ADAMTSL1: variants seen among roughly 807,000 people sequenced by gnomAD.
ADAMTSL1 encodes the protein ADAMTS-like protein 1.
ADAMTSL1 carries 126 observed loss-of-function variants against 201.8 expected under a neutral mutation model. The ratio of observed to expected loss-of-function variants is 0.62; its 90% CI spans 0.54 to 0.72. The LOEUF (loss-of-function observed/expected upper bound fraction) is 0.72. ADAMTSL1 is among the 30% of genes least tolerant of loss of function. The probability of loss-of-function intolerance (pLI) is 0.00; values close to 1 mark genes in which losing one functional copy is unlikely to be tolerated. For synonymous variants in ADAMTSL1, 1,121 were observed against 903.4 expected (o/e 1.24, Z -4.32); for missense variants, 2,679 against 2,277.8 (o/e 1.18, Z -3.59).
intron 1 of ADAMTSL1, among the ~76,000 whole-genome samples, chr9:18,490,423 A>T (rs1255735862): frequency 6.6e-6 from 1 of 152,130 alleles, no homozygotes; most frequent in African/African-American, 2.4e-5. Context: ...TATGTTCATC[A>T]CTATGCTAGG....
chr9:18,183,668 T>C (rs1449544342), intron 2 of ADAMTSL1, among the ~76,000 whole-genome samples: 2 of 152,142 alleles, frequency 1.3e-5, no homozygotes, highest in Admixed American at 6.6e-5. Context: ...AACAGTGAGA[T>C]ACCACTACAC....
At chr9:18,087,773 A>G (rs1823830110) in intron 1 of ADAMTSL1, among the ~76,000 whole-genome samples, 1 of 152,200 alleles carries the variant, frequency 6.6e-6, no homozygotes, top group Admixed American at 6.5e-5. Flanking sequence ...AGAAGAAACT[A>G]AGCAATTTGT....
chr9:18,588,252 CTCTT>C (rs1184220458), intron 4 of ADAMTSL1, among the ~76,000 whole-genome samples: 1 of 152,146 alleles, frequency 6.6e-6, no homozygotes, highest in East Asian at 1.9e-4. Context: ...TGCCTGTCAG[CTCTT>C]TGTGTGTCTT....
intron 13 of ADAMTSL1, among the ~76,000 whole-genome samples, chr9:18,698,027 T>C (rs986445766): frequency 2.6e-5 from 4 of 152,250 alleles, no homozygotes; most frequent in African/African-American, 9.6e-5. Flanking sequence ...TAGTTTTATC[T>C]GATAATGTTC....
intron 23 of ADAMTSL1, among the ~76,000 whole-genome samples, chr9:18,852,074 C>T (rs1176978966): frequency 1.3e-5 from 2 of 152,142 alleles, no homozygotes; most frequent in Non-Finnish European, 2.9e-5. Flanking sequence ...CTCGTGTCTG[C>T]CTAACTACCT....
At chr9:18,041,883 C>T (rs183917693) in intron 1 of ADAMTSL1, among the ~76,000 whole-genome samples, 2 of 152,066 alleles carry the variant, frequency 1.3e-5, no homozygotes, top group African/African-American at 4.8e-5. Flanking sequence ...ATTCATACAT[C>T]TGATTTTAGA....
At chr9:18,436,451 C>A (rs1280209423) in intron 2 of ADAMTSL1, among the ~76,000 whole-genome samples, 2 of 152,192 alleles carry the variant, frequency 1.3e-5, no homozygotes, top group Non-Finnish European at 2.9e-5. Context: ...CAGTTCTTTT[C>A]TGATCAGGGG....
At chr9:18,476,760 C>G (rs763243043) in intron 1 of ADAMTSL1, among the ~76,000 whole-genome samples, 19 of 152,034 alleles carry the variant, frequency 1.2e-4, no homozygotes, top group Non-Finnish European at 2.6e-4. Context: ...GTCTCTGTAA[C>G]TTAATTGGAA....
chr9:18,218,227 T>C (rs920019217), intron 2 of ADAMTSL1, among the ~76,000 whole-genome samples: 1 of 152,132 alleles, frequency 6.6e-6, no homozygotes, highest in Non-Finnish European at 1.5e-5. Context: ...TTCTAACATA[T>C]CCAACTGTAT....
intron 2 of ADAMTSL1, among the ~76,000 whole-genome samples, chr9:18,167,851 T>G (rs1749415241): frequency 6.6e-6 from 1 of 151,512 alleles, no homozygotes; most frequent in African/African-American, 2.4e-5. Flanking sequence ...TGGACATAAA[T>G]TCAAAGAAAA....
intron 20 of ADAMTSL1, among the ~76,000 whole-genome samples, chr9:18,801,692 A>T (rs1822815049): frequency 1.3e-5 from 2 of 152,286 alleles, no homozygotes; most frequent in South Asian, 4.1e-4. Context: ...TGCAAAAGAC[A>T]TGATCTTGTT....
chr9:18,038,448 TC>T (rs1279957252), intron 1 of ADAMTSL1, among the ~76,000 whole-genome samples: 14 of 152,300 alleles, frequency 9.2e-5, no homozygotes, highest in African/African-American at 3.4e-4. Flanking sequence ...AAACTTTTTT[TC>T]ACTTTAAATA....
intron 2 of ADAMTSL1, among the ~76,000 whole-genome samples, chr9:18,453,263 T>G (rs1383437778): frequency 6.6e-6 from 1 of 152,116 alleles, no homozygotes; most frequent in Non-Finnish European, 1.5e-5. Flanking sequence ...CCAAGGTAGC[T>G]CTGGGTGACA....
intron 2 of ADAMTSL1, among the ~76,000 whole-genome samples, chr9:18,285,995 C>T (rs1832978819): frequency 6.6e-6 from 1 of 152,044 alleles, no homozygotes; most frequent in African/African-American, 2.4e-5. Flanking sequence ...AGTCATTCTC[C>T]AAGTTCCCAA....
intron 2 of ADAMTSL1, among the ~76,000 whole-genome samples, chr9:18,177,060 G>C (rs541372636): frequency 1.3e-5 from 2 of 152,270 alleles, no homozygotes; most frequent in South Asian, 4.1e-4. Context: ...TAATGGATTT[G>C]AGCATTGACA....
In ADAMTSL1 at chr9:18,887,014, A is replaced by G. The variant is rs201041964; in HGVS notation, c.4250-817A>G. Among the ~76,000 whole-genome samples, 5 of 27,438 alleles carry G rather than the reference A, an allele frequency of 1.8e-4. No individual in the cohort carries two copies. In the East Asian group the frequency reaches 2.5e-3, roughly 13 times the overall value. 18.0% of individuals were successfully genotyped at this position (27,438 alleles called of 152,430 possible). On this transcript the variant is annotated intron_variant, in intron 23 of 28. Transcript: ENST00000380548. The stretch of plus-strand genomic sequence containing the variant: ...TGTTTTTCTAAGTGAACTGAGGGGG[A>G]AAAAAATCTATAGATTCTTTAATTT...
At chr9:18,708,345 A>G (rs1832348335) in intron 14 of ADAMTSL1, among the ~76,000 whole-genome samples, 1 of 152,146 alleles carries the variant, frequency 6.6e-6, no homozygotes, top group African/African-American at 2.4e-5. Context: ...GTTTGTTTCC[A>G]CATCTTCCAG....
intron 1 of ADAMTSL1, among the ~76,000 whole-genome samples, chr9:17,927,230 A>G (rs1395694585): frequency 3.3e-5 from 5 of 152,216 alleles, no homozygotes; most frequent in Admixed American, 3.3e-4. Flanking sequence ...CGTAGCATAT[A>G]TCAGAATTTC....
At chr9:17,919,915 T>C (rs1826240720) in intron 1 of ADAMTSL1, among the ~76,000 whole-genome samples, 1 of 152,124 alleles carries the variant, frequency 6.6e-6, no homozygotes, top group Admixed American at 6.6e-5. Flanking sequence ...CCAAACCTGC[T>C]ACACCATTAT....
Sources: gnomAD v4.1 joint callset for allele counts (sites outside exome capture counted in the v4.1 genomes callset) on GRCh38, gnomAD v4.1.1 for gene constraint, MANE v1.5 for transcripts, NCBI Gene and HGNC (gene_info 2026-07-23, HGNC 2026-07-21) for gene names.